The following ERN2 variants were observed in gnomAD, a reference collection of about 807,000 sequenced individuals.
ERN2 encodes the protein serine/threonine-protein kinase/endoribonuclease IRE2.
In ERN2, 111 loss-of-function variants were observed where a neutral mutation model predicts 107.9. That is an observed-to-expected ratio of 1.03 (90% CI 0.88 to 1.20). ERN2 has a LOEUF of 1.20. Among genes scored for constraint, ERN2 ranks in the 50% most tolerant of loss-of-function variants. ERN2 has a pLI of 0.00. For synonymous variants in ERN2, 524 were observed against 501.7 expected, an observed-to-expected ratio of 1.04 and a Z score of -0.59; for missense variants, 1,225 against 1,197.9, an observed-to-expected ratio of 1.02 and a Z score of -0.33.
Position 23,707,019 on chromosome 16 carries a change from C to A in ERN2, c.367G>T (p.Val123Phe), listed in dbSNP as rs975792092. Residue 123 changes from valine to phenylalanine, a missense_variant, in exon 5 of 22, where the codon GTC (valine) becomes TTC (phenylalanine). Physicochemically the swap from Val to Phe is conservative, Grantham distance 50 (BLOSUM62 -1). Coordinates refer to ENST00000256797, the MANE Select transcript of ERN2 (RefSeq NM_033266.4). Reference sequence around the variant, plus strand: ...AAGAGATGCTCACCTGTGTAGAAGACCCCATCAGAGCTGCGGCAGGGAGAG... The same window carrying A: ...AAGAGATGCTCACCTGTGTAGAAGAACCCATCAGAGCTGCGGCAGGGAGAG... The part of the protein sequence containing the change: ...HASPCRSSDG[V>F]FYTGRKQDAW... The A allele has an allele frequency of 6.2e-7, 1 of 1,613,940 alleles. No homozygotes were observed. The highest frequency in any genetic ancestry group is 8.5e-7 in the Non-Finnish European group (1 of 1,179,806).
In ERN2 at chr16:23,692,078, G is replaced by A. The variant is rs758586730; in HGVS notation, c.2261C>T (p.Ala754Val). 6.2e-7 allele frequency: 1 copy of A among 1,613,764 alleles called. No homozygotes were observed. Among genetic ancestry groups the A allele is most frequent in the Middle Eastern group, 1.6e-4 (1 of 6,062 alleles). Residue 754 changes from alanine to valine, a missense_variant, in exon 19 of 22, where the codon GCC becomes GTC. Physicochemically the swap from Ala to Val is moderately conservative, Grantham distance 64. Transcript: ENST00000256797. ...CAACATGGCTCCAACCAGGTCCCGG[G>A]CAACCACCTTGTCTGGAGGATGGAA... ...LEEEVHDKVV[A>V]RDLVGAMLSP...
At position 23,702,436 on chromosome 16, in the gene ERN2, T is replaced by A. The variant is rs147476182; in HGVS notation, c.1035A>T (p.Arg345Ser). The A allele has an allele frequency of 6.2e-7, 1 of 1,613,544 alleles. No individual in the cohort carries two copies. Among genetic ancestry groups the A allele is most frequent in the African/African-American group, 1.3e-5 (1 of 74,932 alleles). Reference protein sequence around the residue: ...EREGSPSTAVRYPSGSVALPS... With the variant: ...EREGSPSTAVSYPSGSVALPS... ...GGAGGGCCACACTGCCTGAGGGGTA[T>A]CTAACAGCAGTGCTGGGTGAGCCCT... Residue 345 changes from arginine (R) to serine (S), a missense_variant, in exon 10 of 22, where the codon AGA (arginine) becomes AGT (serine). Transcript: ENST00000256797.
At position 23,702,773 on chromosome 16, in the gene ERN2, C is replaced by T. The variant is rs1960142057; in HGVS notation, c.855-71G>A. ...GGGTAGTTTCAGTTATCAAGGTACTCATGCCCTTGTATATTTCCCTCTCAC... is the reference window on the plus strand; with the variant it reads ...GGGTAGTTTCAGTTATCAAGGTACTTATGCCCTTGTATATTTCCCTCTCAC... On this transcript the variant is annotated intron_variant, in intron 8 of 21. Coordinates refer to ENST00000256797, the MANE Select transcript of ERN2 (RefSeq NM_033266.4). 5.4e-6 allele frequency: 7 copies of T among 1,294,100 alleles called. No individual in the cohort carries two copies. In the South Asian group the frequency reaches 8.4e-5, roughly 15 times the overall value. The allele number at this position is 1,294,100 out of a possible 1,614,324, so 80.2% of individuals were successfully genotyped here.
At chr16:23,712,896 T>C (rs1960598888) in intron 1 of ERN2, 199 bp downstream of exon 1, 1 of 535,590 alleles carries the variant, frequency 1.9e-6, no homozygotes, top group African/African-American at 2.0e-5. Context: ...TCTCCCCAGC[T>C]AGGTATTTGT....
chr16:23,702,385 C>G lies in ERN2; in HGVS notation c.1081+5G>C, dbSNP rs1960116052. On this transcript the variant is annotated splice_donor_5th_base_variant and intron_variant, in intron 10 of 21. Coordinates refer to ENST00000256797, the MANE Select transcript of ERN2 (RefSeq NM_033266.4). ...CTACTCCCAATTTGAGCCAGAGGAT[C>G]TCACCAATGAGCAGCCACTGGCTTG... 2 of 1,612,468 alleles carry G rather than the reference C, an allele frequency of 1.2e-6. No individual in the cohort carries two copies. The highest frequency in any genetic ancestry group is 2.2e-5 in the South Asian group (2 of 90,948).
chr16:23,706,370 G>C lies in ERN2; in HGVS notation c.549C>G (p.Arg183=), dbSNP rs1428233481. Residue 183 remains arginine, a synonymous_variant, in exon 7 of 22, where the codon CGC becomes CGG. Transcript: ENST00000256797. The part of the protein sequence containing the change: ...APALRWNTTY[R]RYSAPPMDGS... Reference sequence around the variant, plus strand: ...CATCCATGGGGGGCGCTGAGTAGCGGCGGTAGGTGGTGTTCCAGCGCAGGG... The same window carrying C: ...CATCCATGGGGGGCGCTGAGTAGCGCCGGTAGGTGGTGTTCCAGCGCAGGG... The C allele has an allele frequency of 6.4e-7, 1 of 1,566,990 alleles. No homozygotes were observed. The highest frequency in any genetic ancestry group is 8.6e-7 in the Non-Finnish European group (1 of 1,157,248).
chr16:23,712,977 GC>G (rs1196642772), intron 1 of ERN2, 117 bp downstream of exon 1: 1 of 757,768 alleles, frequency 1.3e-6, no homozygotes, highest in Non-Finnish European at 2.0e-6. Flanking sequence ...GACCACCCAG[GC>G]GTGAGGGAGG....
chr16:23,703,904 C>T (rs546730678), intron 8 of ERN2, among the ~76,000 whole-genome samples: 9 of 152,280 alleles, frequency 5.9e-5, no homozygotes, highest in African/African-American at 2.2e-4. Context: ...TCTTATACTA[C>T]TTTCATCTCA....
Position 23,705,309 on chromosome 16 carries a change from G to A in ERN2, c.590-162C>T, listed in dbSNP as rs575040042. 2.6e-5 allele frequency among the ~76,000 whole-genome samples: 4 copies of A among 152,298 alleles called. No individual in the cohort carries two copies. In the East Asian group the frequency reaches 7.7e-4, roughly 29 times the overall value. ...GAGTTCATGGAGTCACTTTGAAAACGAGGCCATCAGTCAGGGTCATTCAAA... is the reference window on the plus strand; with the variant it reads ...GAGTTCATGGAGTCACTTTGAAAACAAGGCCATCAGTCAGGGTCATTCAAA... On this transcript the variant is annotated intron_variant, in intron 7 of 21. Coordinates refer to ENST00000256797, the MANE Select transcript of ERN2 (RefSeq NM_033266.4).
At chr16:23,712,878 C>T (rs1034918072) in intron 1 of ERN2, 11 of 525,316 alleles carry the variant, frequency 2.1e-5, no homozygotes, top group African/African-American at 2.0e-4. Context: ...CCTTTCCACG[C>T]TGGCAGATCT....
chr16:23,699,612 A>G (rs1367534898), intron 13 of ERN2, among the ~76,000 whole-genome samples: 1 of 152,060 alleles, frequency 6.6e-6, no homozygotes, highest in Non-Finnish European at 1.5e-5. Flanking sequence ...ATTTGTAGAG[A>G]CAAGGTCTCC....
chr16:23,708,754 T>C (rs969451668), intron 4 of ERN2, among the ~76,000 whole-genome samples: 10 of 152,156 alleles, frequency 6.6e-5, no homozygotes, highest in African/African-American at 9.7e-5. Context: ...TCTGGGCATG[T>C]AAGACGTGCC....
In ERN2 at chr16:23,710,918, C is replaced by A. The variant is rs770744800; in HGVS notation, c.194G>T (p.Arg65Met). Residue 65 changes from arginine to methionine, a missense_variant, in exon 2 of 22, where the codon AGG becomes ATG. By Grantham distance (91) the Arg-to-Met change is moderately conservative. Coordinates refer to ENST00000256797, the MANE Select transcript of ERN2 (RefSeq NM_033266.4). The stretch of plus-strand genomic sequence containing the variant: ...AGGGACCACCTCTTGCTCACCATCC[C>A]TCAGAGTCCACTTCAGGTCCCCTGT... The part of the protein sequence containing the change: ...KQTGDLKWTL[R>M]DDPVIEGPMY... 6.2e-7 allele frequency: 1 copy of A among 1,612,222 alleles called. No individual in the cohort carries two copies. Among genetic ancestry groups the A allele is most frequent in the East Asian group, 2.2e-5 (1 of 44,868 alleles).
chr16:23,703,252 A>G, intron 8 of ERN2, among the ~76,000 whole-genome samples: 1 of 152,216 alleles, frequency 6.6e-6, no homozygotes, highest in East Asian at 1.9e-4. Flanking sequence ...TTTTCTAAAT[A>G]TAAACTCATT....
chr16:23,708,954 CT>C (rs1457664379), intron 4 of ERN2, among the ~76,000 whole-genome samples: 1 of 152,148 alleles, frequency 6.6e-6, no homozygotes, highest in African/African-American at 2.4e-5. Flanking sequence ...TGCACTATCC[CT>C]TGTGGTTTCC....
rs777822403 is a variant in ERN2, at chr16:23,713,142, G to A, written c.46C>T (p.Leu16Phe). ...RGSRPWPRLG[L>F]QLQFAALLLG... ...AGCAGCGCCGCGAACTGGAGCTGGAGCCCCAGCCGGGGCCACGGCCTCGAC... is the reference window on the plus strand; with the variant it reads ...AGCAGCGCCGCGAACTGGAGCTGGAACCCCAGCCGGGGCCACGGCCTCGAC... The change falls in exon 1 of 22, where the codon CTC (leucine) becomes TTC (phenylalanine). Residue 16 changes from leucine to phenylalanine, a missense_variant. Coordinates refer to ENST00000256797, the MANE Select transcript of ERN2 (RefSeq NM_033266.4). 24 of 1,575,102 alleles carry A rather than the reference G, an allele frequency of 1.5e-5. No individual in the cohort carries two copies. The highest frequency in any genetic ancestry group is 1.9e-5 in the Non-Finnish European group (22 of 1,166,266).
intron 11 of ERN2, 117 bp downstream of exon 11, chr16:23,702,035 G>T: frequency 9.5e-7 from 1 of 1,056,416 alleles, no homozygotes; most frequent in Non-Finnish European, 1.4e-6. Flanking sequence ...AATTGTGTGA[G>T]GTCAATTGAC....
chr16:23,704,270 G>A (rs1960207403), intron 8 of ERN2, among the ~76,000 whole-genome samples: 1 of 152,180 alleles, frequency 6.6e-6, no homozygotes. Flanking sequence ...AAGACCTGGA[G>A]TCCCCCTCTG....
In ERN2 at chr16:23,704,911, G is replaced by A. The variant is rs1960234252; in HGVS notation, c.826C>T (p.Leu276Phe). ...AGCTGGGTGTCCAAGGTAGAGAAGAGGGTGGCTGTGTCCCGGGGGCCTGAG... is the reference window on the plus strand; with the variant it reads ...AGCTGGGTGTCCAAGGTAGAGAAGAAGGTGGCTGTGTCCCGGGGGCCTGAG... ...PASGPRDTAT[L>F]FSTLDTQLLM... The change falls in exon 8 of 22, where the codon CTC (leucine) becomes TTC (phenylalanine). Residue 276 changes from leucine (L) to phenylalanine (F), a missense_variant. Leu to Phe is a conservative substitution (Grantham distance 22). Coordinates refer to ENST00000256797, the MANE Select transcript of ERN2 (RefSeq NM_033266.4). 6.2e-7 allele frequency: 1 copy of A among 1,612,402 alleles called. No individual in the cohort carries two copies. The highest frequency in any genetic ancestry group is 8.5e-7 in the Non-Finnish European group (1 of 1,180,026).
Sources: gnomAD v4.1 joint callset for allele counts (sites outside exome capture counted in the v4.1 genomes callset) on GRCh38, gnomAD v4.1.1 for gene constraint, MANE v1.5 for transcripts, NCBI Gene and HGNC (gene_info 2026-07-23, HGNC 2026-07-21) for gene names.